RIT2: variants seen among roughly 807,000 people sequenced by gnomAD.
RIT2 encodes the protein Ras like without CAAX 2.
Under a neutral mutation model 23.7 loss-of-function variants are expected in RIT2, and 24 were observed. The ratio of observed to expected loss-of-function variants is 1.01; its 90% CI spans 0.73 to 1.43. RIT2 has a LOEUF of 1.43. Ranked by LOEUF, RIT2 falls within the 40% of genes most tolerant of loss-of-function variation. The probability of loss-of-function intolerance (pLI) is 0.00; values close to 1 mark genes in which losing one functional copy is unlikely to be tolerated. For synonymous variants in RIT2, 107 were observed against 91.1 expected, an observed-to-expected ratio of 1.17 and a Z score of -0.99; for missense variants, 236 against 266.9, an observed-to-expected ratio of 0.88 and a Z score of 0.81.
intron 1 of RIT2, among the ~76,000 whole-genome samples, chr18:43,058,335 T>C (rs987119753): frequency 1.3e-5 from 2 of 152,120 alleles, no homozygotes; most frequent in Non-Finnish European, 2.9e-5. Context: ...ACATAAAGAT[T>C]CTACATTATC....
At chr18:43,079,714 C>A (rs2144346220) in intron 1 of RIT2, among the ~76,000 whole-genome samples, 1 of 152,306 alleles carries the variant, frequency 6.6e-6, no homozygotes, top group Admixed American at 6.5e-5. Context: ...TATGTCTAAG[C>A]AAACTGGAGA....
chr18:42,957,039 T>C (rs779070149), intron 3 of RIT2, among the ~76,000 whole-genome samples: 17 of 152,156 alleles, frequency 1.1e-4, no homozygotes, highest in Non-Finnish European at 1.8e-4. Context: ...TTAGGGACAA[T>C]AGAACTGACC....
At chr18:42,845,073 T>C (rs1194963814) in intron 4 of RIT2, among the ~76,000 whole-genome samples, 1 of 151,996 alleles carries the variant, frequency 6.6e-6, no homozygotes, top group Non-Finnish European at 1.5e-5. Flanking sequence ...CCTTAGAATA[T>C]TAAAATTAAG....
chr18:42,891,653 C>T (rs1412855690), intron 4 of RIT2, among the ~76,000 whole-genome samples: 2 of 152,086 alleles, frequency 1.3e-5, no homozygotes, highest in Admixed American at 6.6e-5. Context: ...GAAAAGGCTA[C>T]ATGCTGTATA....
At position 42,828,840 on chromosome 18, in the gene RIT2, G is replaced by A. The variant is rs963258400; in HGVS notation, c.427-85120C>T. ...TGCCTAAAAACTAAATTCATGTTCT[G>A]GAAGTAAAAATTAGCATCCCTTCTC... is the stretch of plus-strand genomic sequence containing the variant. On this transcript the variant is annotated intron_variant, in intron 4 of 4. Coordinates refer to ENST00000326695, the MANE Select transcript of RIT2 (RefSeq NM_002930.4). 2.6e-5 allele frequency among the ~76,000 whole-genome samples: 4 copies of A among 152,282 alleles called. No individual in the cohort carries two copies. In the East Asian group the frequency reaches 7.7e-4, roughly 29 times the overall value.
intron 4 of RIT2, among the ~76,000 whole-genome samples, chr18:42,868,045 G>A (rs1392606861): frequency 1.3e-5 from 2 of 152,190 alleles, no homozygotes; most frequent in Non-Finnish European, 2.9e-5. Flanking sequence ...AAGTTTGGAA[G>A]TTGAGGGGCA....
chr18:42,787,339 T>C (rs1027131690), intron 4 of RIT2, among the ~76,000 whole-genome samples: 2 of 151,998 alleles, frequency 1.3e-5, no homozygotes, highest in Admixed American at 6.6e-5. Flanking sequence ...GGCGAGTTAA[T>C]GGGTGCAGCA....
chr18:42,979,961 G>T (rs1295772509), intron 2 of RIT2, among the ~76,000 whole-genome samples: 1 of 152,144 alleles, frequency 6.6e-6, no homozygotes, highest in African/African-American at 2.4e-5. Flanking sequence ...GTTGAGCTAA[G>T]GTCAGTTCTT....
chr18:42,929,034 G>GATTAT, intron 3 of RIT2, among the ~76,000 whole-genome samples: 1 of 96,956 alleles, frequency 1.0e-5, no homozygotes, highest in Non-Finnish European at 1.9e-5. Context: ...AAAATATGGA[G>GATTAT]ATATATATAT....
intron 4 of RIT2, among the ~76,000 whole-genome samples, chr18:42,853,734 C>G (rs1907114986): frequency 6.6e-6 from 1 of 152,106 alleles, no homozygotes; most frequent in South Asian, 2.1e-4. Context: ...TGTACATGTT[C>G]AATAATTTTC....
At chr18:42,962,130 T>A (rs1225322654) in intron 3 of RIT2, among the ~76,000 whole-genome samples, 2 of 152,194 alleles carry the variant, frequency 1.3e-5, no homozygotes, top group East Asian at 3.9e-4. Flanking sequence ...ACACATGAAA[T>A]CTGCCTGATA....
At chr18:42,886,266 G>A (rs1411332337) in intron 4 of RIT2, among the ~76,000 whole-genome samples, 1 of 152,146 alleles carries the variant, frequency 6.6e-6, no homozygotes, top group African/African-American at 2.4e-5. Context: ...ACAGAGGAAT[G>A]AGTACTTTAA....
chr18:43,062,820 G>A (rs12605804), intron 1 of RIT2, among the ~76,000 whole-genome samples: 7,368 of 152,148 alleles, frequency 0.048, 410 homozygotes, highest in East Asian at 0.25. Context: ...ATTCTGACAC[G>A]CAAATGGTGA....
chr18:42,836,796 A>G (rs1365438907), intron 4 of RIT2, among the ~76,000 whole-genome samples: 2 of 152,208 alleles, frequency 1.3e-5, no homozygotes, highest in African/African-American at 2.4e-5. Context: ...GAAAAGAGCT[A>G]TGAGTTAAGT....
intron 2 of RIT2, among the ~76,000 whole-genome samples, chr18:42,995,250 A>G (rs1300459809): frequency 1.3e-5 from 2 of 151,956 alleles, no homozygotes; most frequent in African/African-American, 4.8e-5. Flanking sequence ...CTGCTATTCT[A>G]CTACTTCTCA....
chr18:42,810,047 T>C lies in RIT2; in HGVS notation c.427-66327A>G, dbSNP rs997826349. On this transcript the variant is annotated intron_variant, in intron 4 of 4. Transcript: ENST00000326695. The stretch of plus-strand genomic sequence containing the variant: ...CATATATGTATATATAAGTTACATA[T>C]GTTATATATGTTATATATATGTTAT... 2.2e-4 allele frequency among the ~76,000 whole-genome samples: 32 copies of C among 146,964 alleles called. 1 individual carries two copies. The highest frequency in any genetic ancestry group is 1.7e-3 in the Admixed American group (25 of 14,528).
At chr18:42,840,559 A>AC (rs11409029) in intron 4 of RIT2, among the ~76,000 whole-genome samples, 22,008 of 152,110 alleles carry the variant, frequency 0.14, 1,656 homozygotes, top group Middle Eastern at 0.26. Flanking sequence ...CTGGAGTGCA[A>AC]TGCTCAGTCT....
intron 2 of RIT2, among the ~76,000 whole-genome samples, chr18:43,026,468 C>T (rs1316973941): frequency 6.6e-6 from 1 of 151,386 alleles, no homozygotes; most frequent in Non-Finnish European, 1.5e-5. Flanking sequence ...GTAGGAGAAT[C>T]ACTTGAACCC....
At chr18:42,908,281 T>C (rs945395106) in intron 4 of RIT2, among the ~76,000 whole-genome samples, 5 of 151,840 alleles carry the variant, frequency 3.3e-5, no homozygotes, top group African/African-American at 1.2e-4. Context: ...AAAAAATAAA[T>C]AGAGATCAAG....
Sources: allele counts gnomAD v4.1 joint callset (sites outside exome capture counted in the v4.1 genomes callset), GRCh38; gene constraint gnomAD v4.1.1; transcripts MANE v1.5; gene names NCBI Gene and HGNC (gene_info 2026-07-23, HGNC 2026-07-21).